Variants in FHIT observed in about 807,000 individuals in gnomAD.
FHIT encodes fragile histidine triad diadenosine triphosphatase.
In FHIT, 19 loss-of-function variants were observed where a neutral mutation model predicts 17.9. The ratio of observed to expected loss-of-function variants is 1.06; its 90% CI spans 0.74 to 1.56. The LOEUF (loss-of-function observed/expected upper bound fraction) is 1.56, where lower values mean the gene tolerates loss of function less well. FHIT is among the 40% of genes most tolerant of loss of function. The probability of loss-of-function intolerance (pLI) is 0.00; values close to 1 mark genes in which losing one functional copy is unlikely to be tolerated. For synonymous variants in FHIT, 81 were observed against 69.7 expected, an observed-to-expected ratio of 1.16 and a Z score of -0.81; for missense variants, 248 against 189.2, an observed-to-expected ratio of 1.31 and a Z score of -1.82.
chr3:61,211,195 G>A (rs577423582), intron 1 of FHIT, among the ~76,000 whole-genome samples: 2 of 151,906 alleles, frequency 1.3e-5, no homozygotes, highest in African/African-American at 2.4e-5. Flanking sequence ...CCGAAGCAGG[G>A]TGAGGCATTG....
rs1474008951 is a variant in FHIT at position 60,418,374 on chromosome 3, GTGTATATATATATATATATATATATATA to G, written c.103+118458_103+118485del. On this transcript the variant is annotated intron_variant, in intron 5 of 9. Transcript: ENST00000492590. The stretch of plus-strand genomic sequence containing the variant: ...AACCTATATATATGTATCTGAATGT[GTGTATATATATATATATATATATATATA>G]TATATATATATATATATATATATAC... 2.5e-3 allele frequency among the ~76,000 whole-genome samples: 6 copies of G among 2,366 alleles called. 1 individual carries two copies. Among genetic ancestry groups the G allele is most frequent in the South Asian group, 0.14 (2 of 14 alleles). The allele number at this position is 2,366 out of a possible 152,430, so 1.6% of individuals were successfully genotyped here. A position where few individuals can be genotyped will look rare whatever the true frequency, so the allele number is the denominator to read the frequency against.
At chr3:60,259,611 C>A (rs9875995) in intron 5 of FHIT, among the ~76,000 whole-genome samples, 3 of 152,014 alleles carry the variant, frequency 2.0e-5, no homozygotes, top group African/African-American at 7.2e-5. Flanking sequence ...TTGCTAAATC[C>A]TTAGAGTAAC....
At chr3:60,030,167 T>C (rs1040996574) in intron 5 of FHIT, among the ~76,000 whole-genome samples, 1 of 152,172 alleles carries the variant, frequency 6.6e-6, no homozygotes, top group Non-Finnish European at 1.5e-5. Context: ...AAATGTTCTC[T>C]TGTACATCAC....
chr3:60,660,729 C>CTTTT lies in FHIT; in HGVS notation c.-17-123754_-17-123751dup. On this transcript the variant is annotated intron_variant, in intron 4 of 9. Coordinates refer to ENST00000492590, the MANE Select transcript of FHIT (RefSeq NM_002012.4). ...GATGTGGAATATCTTTTATTGTGCT[C>CTTTT]TTTTTTTTTTTTTTTTTTTTTGCCA... Among the ~76,000 whole-genome samples, 150 of 37,276 alleles carry CTTTT rather than the reference C, an allele frequency of 4.0e-3. 26 individuals carry two copies. The highest frequency in any genetic ancestry group is 0.011 in the African/African-American group (134 of 12,220). 24.5% of individuals were successfully genotyped at this position (37,276 alleles called of 152,430 possible). A position where few individuals can be genotyped will look rare whatever the true frequency, so the allele number is the denominator to read the frequency against.
chr3:60,547,608 C>G (rs1272899940), intron 4 of FHIT, among the ~76,000 whole-genome samples: 1 of 152,122 alleles, frequency 6.6e-6, no homozygotes, highest in East Asian at 1.9e-4. Context: ...CTCTTGCTAC[C>G]TCTCTCTTAT....
At chr3:60,348,781 T>G (rs1296652661) in intron 5 of FHIT, among the ~76,000 whole-genome samples, 1 of 152,230 alleles carries the variant, frequency 6.6e-6, no homozygotes, top group Non-Finnish European at 1.5e-5. Context: ...GGAAAGAGAC[T>G]TGAAAAGGCT....
chr3:60,005,067 T>C (rs936405623), intron 7 of FHIT, among the ~76,000 whole-genome samples: 8 of 152,136 alleles, frequency 5.3e-5, no homozygotes, highest in African/African-American at 1.9e-4. Flanking sequence ...TGAAACCAAG[T>C]AGTCTGGCCC....
intron 3 of FHIT, among the ~76,000 whole-genome samples, chr3:60,883,943 A>G (rs1575641090): frequency 6.6e-6 from 1 of 152,350 alleles, no homozygotes; most frequent in South Asian, 2.1e-4. Flanking sequence ...GAATGGGAGA[A>G]AATATTTGCA....
chr3:60,992,887 G>A (rs950059209), intron 3 of FHIT, among the ~76,000 whole-genome samples: 19 of 152,120 alleles, frequency 1.2e-4, no homozygotes, highest in African/African-American at 4.6e-4. Flanking sequence ...AGTACTTTCT[G>A]GCATTTCAAT....
chr3:61,151,430 A>G (rs2037385332), intron 2 of FHIT, among the ~76,000 whole-genome samples: 1 of 152,074 alleles, frequency 6.6e-6, no homozygotes, highest in Admixed American at 6.5e-5. Context: ...TACTTCAACT[A>G]AGGTTATTTC....
intron 8 of FHIT, among the ~76,000 whole-genome samples, chr3:59,775,386 G>A (rs561535254): frequency 3.7e-4 from 57 of 152,264 alleles, no homozygotes; most frequent in East Asian, 5.8e-4. Flanking sequence ...AAATCTAGTT[G>A]TAAGTAATTT....
intron 5 of FHIT, among the ~76,000 whole-genome samples, chr3:60,111,548 G>C (rs559676149): frequency 1.3e-5 from 2 of 152,254 alleles, no homozygotes; most frequent in East Asian, 3.9e-4. Flanking sequence ...TCCTTCAATG[G>C]TGATTTGAGA....
At chr3:60,122,254 A>G (rs1001814328) in intron 5 of FHIT, among the ~76,000 whole-genome samples, 3 of 152,190 alleles carry the variant, frequency 2.0e-5, no homozygotes, top group Non-Finnish European at 2.9e-5. Flanking sequence ...TGTCATTAAC[A>G]AAGAGTTGCT....
At chr3:59,892,478 AT>A (rs1409119551) in intron 8 of FHIT, among the ~76,000 whole-genome samples, 2 of 152,234 alleles carry the variant, frequency 1.3e-5, no homozygotes, top group African/African-American at 4.8e-5. Flanking sequence ...TTAACAATCT[AT>A]TTAACAACTG....
In FHIT at chr3:59,978,313, A is replaced by G. The variant is rs191984638; in HGVS notation, c.279+33058T>C. Among the ~76,000 whole-genome samples the G allele has an allele frequency of 1.5e-4, 23 of 152,240 alleles. 1 individual carries two copies. The highest frequency in any genetic ancestry group is 1.2e-3 in the East Asian group (6 of 5,166). ...GTCATAAAGCCGTGCTGAGAGGGCC[A>G]CCTTACATGCCAATTACAACCTTAT... On this transcript the variant is annotated intron_variant, in intron 7 of 9. Coordinates refer to ENST00000492590, the MANE Select transcript of FHIT (RefSeq NM_002012.4).
chr3:60,826,917 A>G (rs1702145565), intron 3 of FHIT, among the ~76,000 whole-genome samples: 1 of 152,142 alleles, frequency 6.6e-6, no homozygotes, highest in Non-Finnish European at 1.5e-5. Context: ...AGATTTCGCA[A>G]TTTTGCTTGT....
intron 4 of FHIT, among the ~76,000 whole-genome samples, chr3:60,620,234 C>T (rs1384447870): frequency 6.6e-6 from 1 of 152,056 alleles, no homozygotes; most frequent in Admixed American, 6.6e-5. Context: ...CTCAGAAGAC[C>T]CGCAATATTT....
At chr3:59,812,740 T>A (rs928209292) in intron 8 of FHIT, among the ~76,000 whole-genome samples, 7 of 152,226 alleles carry the variant, frequency 4.6e-5, no homozygotes. Flanking sequence ...ATTAATTAAA[T>A]AAAATTTGCA....
At chr3:60,172,326 C>A (rs912967619) in intron 5 of FHIT, among the ~76,000 whole-genome samples, 10 of 152,104 alleles carry the variant, frequency 6.6e-5, no homozygotes, top group African/African-American at 1.9e-4. Context: ...AGTGCAATGG[C>A]ACAATCTCAG....
Sources: allele counts gnomAD v4.1 joint callset (sites outside exome capture counted in the v4.1 genomes callset), GRCh38; gene constraint gnomAD v4.1.1; transcripts MANE v1.5; gene names NCBI Gene and HGNC (gene_info 2026-07-23, HGNC 2026-07-21).